DNAJB14: variants seen among roughly 807,000 people sequenced by gnomAD.
DNAJB14 encodes the protein dnaJ homolog subfamily B member 14.
Under a neutral mutation model 48.4 loss-of-function variants are expected in DNAJB14, and 22 were observed. That is an observed-to-expected ratio of 0.45 (90% confidence interval 0.32 to 0.65). The LOEUF is 0.65. Among genes scored for constraint, DNAJB14 ranks in the 30% least tolerant of loss-of-function variants. The probability of loss-of-function intolerance (pLI) is 0.03; values close to 1 mark genes in which losing one functional copy is unlikely to be tolerated. For synonymous variants in DNAJB14, 142 were observed against 158.7 expected (o/e 0.89, Z 0.79); for missense variants, 319 against 458.8 (o/e 0.70, Z 2.78).
At position 99,896,571 on chromosome 4, in the gene DNAJB14, T is replaced by C. The variant is rs1443702706; in HGVS notation, c.*4457A>G. 6.6e-6 allele frequency: 1 copy of C among 152,092 alleles called. No homozygotes were observed. Among genetic ancestry groups the C allele is most frequent in the African/African-American group, 2.4e-5 (1 of 41,418 alleles). 9.4% of individuals were successfully genotyped at this position (152,092 alleles called of 1,614,324 possible). On this transcript the variant is annotated 3_prime_UTR_variant, in exon 8 of 8. Coordinates refer to ENST00000442697, the MANE Select transcript of DNAJB14 (RefSeq NM_001031723.4). The stretch of plus-strand genomic sequence containing the variant: ...AGCTTTTAAAAACACATAAAGTAAA[T>C]GGAAAGAAAGTCTTATGTAGCAATC...
chr4:99,934,287 T>C (rs1726587393), intron 1 of DNAJB14, among the ~76,000 whole-genome samples: 1 of 151,850 alleles, frequency 6.6e-6, no homozygotes, highest in South Asian at 2.1e-4. Flanking sequence ...TACCAGCACA[T>C]AAAAATGAGT....
chr4:99,928,187 A>T (rs774963776), intron 2 of DNAJB14: 1 of 152,604 alleles, frequency 6.6e-6, no homozygotes, highest in Non-Finnish European at 1.5e-5. Flanking sequence ...CTTAAAACTA[A>T]ATCAGCAATA....
intron 1 of DNAJB14, among the ~76,000 whole-genome samples, chr4:99,940,436 C>T (rs1176220901): frequency 1.3e-5 from 2 of 151,894 alleles, no homozygotes. Context: ...CTACTAAAAA[C>T]ACAAAAATAA....
At chr4:99,938,275 A>G (rs1726760703) in intron 1 of DNAJB14, among the ~76,000 whole-genome samples, 1 of 146,502 alleles carries the variant, frequency 6.8e-6, no homozygotes, top group Admixed American at 6.8e-5. Flanking sequence ...CAAGGTCAAG[A>G]AAAAAAAAAA....
At chr4:99,913,269 G>A (rs1725730933) in intron 3 of DNAJB14, among the ~76,000 whole-genome samples, 1 of 152,092 alleles carries the variant, frequency 6.6e-6, no homozygotes, top group East Asian at 1.9e-4. Flanking sequence ...TGATCATAGG[G>A]GAAAAGCATT....
chr4:99,932,886 G>A (rs1726528074), intron 1 of DNAJB14, among the ~76,000 whole-genome samples: 1 of 152,102 alleles, frequency 6.6e-6, no homozygotes. Flanking sequence ...ACAAAAGATG[G>A]TATACTATAC....
chr4:99,926,904 A>C (rs1352933654), intron 2 of DNAJB14: 2 of 152,196 alleles, frequency 1.3e-5, no homozygotes, highest in African/African-American at 4.8e-5. Flanking sequence ...GGACAGCCTG[A>C]AGACTATGTA....
chr4:99,905,769 G>A, intron 5 of DNAJB14, 63 bp from the exon 6 acceptor site: 1 of 1,518,652 alleles, frequency 6.6e-7, no homozygotes, highest in Admixed American at 1.7e-5. Context: ...TAATACAACA[G>A]TTGTCATACA....
rs1725260276 is a variant in DNAJB14, at chr4:99,900,437, A to G, written c.*591T>C. The G allele has an allele frequency of 6.6e-6, 1 of 152,188 alleles. No individual in the cohort carries two copies. The highest frequency in any genetic ancestry group is 3.4e-3 in the Middle Eastern group (1 of 294). The allele number at this position is 152,188 out of a possible 1,614,324, so 9.4% of individuals were successfully genotyped here. The stretch of plus-strand genomic sequence containing the variant: ...ATCTCAATATATATTTTGGAATATA[A>G]CGGCAATATTAAAAATATCAATTCC... On this transcript the variant is annotated 3_prime_UTR_variant, in exon 8 of 8. Transcript: ENST00000442697.
intron 4 of DNAJB14, 120 bp downstream of exon 4, chr4:99,908,591 C>T: frequency 1.4e-6 from 1 of 735,940 alleles, no homozygotes; most frequent in Non-Finnish European, 2.0e-6. Context: ...AAAACCATTA[C>T]AGGATCGTAA....
intron 3 of DNAJB14, among the ~76,000 whole-genome samples, chr4:99,919,729 T>C (rs527476581): frequency 8.1e-4 from 123 of 152,340 alleles, no homozygotes; most frequent in South Asian, 3.9e-3. Context: ...CTTTATTTTA[T>C]ATATTAATGT....
rs1725269702 is a variant in DNAJB14 at position 99,900,754 on chromosome 4, G to T, written c.*274C>A. 3.9e-6 allele frequency: 1 copy of T among 256,988 alleles called. No homozygotes were observed. The highest frequency in any genetic ancestry group is 7.3e-6 in the Non-Finnish European group (1 of 136,722). 15.9% of individuals were successfully genotyped at this position (256,988 alleles called of 1,614,324 possible). On this transcript the variant is annotated 3_prime_UTR_variant, in exon 8 of 8. Transcript: ENST00000442697. Reference sequence around the variant, plus strand: ...ATCACTAAAACTGGAAATTGCTACAGGTGTGATAATCCTTTCTCATGACAC... The same window carrying T: ...ATCACTAAAACTGGAAATTGCTACATGTGTGATAATCCTTTCTCATGACAC...
chr4:99,907,689 A>G (rs1013662032), intron 4 of DNAJB14, among the ~76,000 whole-genome samples: 11 of 152,116 alleles, frequency 7.2e-5, no homozygotes, highest in Non-Finnish European at 1.3e-4. Flanking sequence ...ATTAAAAAAT[A>G]GAAAGAAATG....
chr4:99,923,907 A>G (rs1296210391), intron 2 of DNAJB14: 5 of 982,996 alleles, frequency 5.1e-6, no homozygotes, highest in Non-Finnish European at 4.8e-6. Flanking sequence ...ATGATAAAAT[A>G]TAACACGTGA....
intron 7 of DNAJB14, among the ~76,000 whole-genome samples, chr4:99,901,877 AC>A (rs1725306021): frequency 6.6e-6 from 1 of 152,154 alleles, no homozygotes; most frequent in Admixed American, 6.5e-5. Flanking sequence ...GAAATCAGTT[AC>A]TTTCTGGAAC....
intron 2 of DNAJB14, 90 bp downstream of exon 2, chr4:99,930,357 CTAA>C: frequency 7.7e-7 from 1 of 1,300,020 alleles, no homozygotes; most frequent in Non-Finnish European, 1.0e-6. Flanking sequence ...GTCTATTCTT[CTAA>C]TGTTATATTT....
rs1725205892 is a variant in DNAJB14 at position 99,898,802 on chromosome 4, A to G, written c.*2226T>C. ...ATTTTTATTATAAAAAAAGCAGCAAACATGAAAATCTTTTATCAAGATATC... is the reference window on the plus strand; with the variant it reads ...ATTTTTATTATAAAAAAAGCAGCAAGCATGAAAATCTTTTATCAAGATATC... On this transcript the variant is annotated 3_prime_UTR_variant, in exon 8 of 8. Transcript: ENST00000442697. 1 of 151,962 alleles carries G rather than the reference A, an allele frequency of 6.6e-6. No homozygotes were observed. The highest frequency in any genetic ancestry group is 2.4e-5 in the African/African-American group (1 of 41,442). The allele number at this position is 151,962 out of a possible 1,614,324, so 9.4% of individuals were successfully genotyped here.
At chr4:99,916,996 G>A (rs1369912978) in intron 3 of DNAJB14, among the ~76,000 whole-genome samples, 1 of 152,130 alleles carries the variant, frequency 6.6e-6, no homozygotes, top group Non-Finnish European at 1.5e-5. Flanking sequence ...TTAGCTGGGT[G>A]TGGTGGCACA....
At chr4:99,928,867 C>T (rs763756220) in intron 2 of DNAJB14, 5 of 153,402 alleles carry the variant, frequency 3.3e-5, no homozygotes, top group Non-Finnish European at 7.2e-5. Context: ...TTTCCAGAAA[C>T]GTGTTTCAAG....
Sources: allele counts gnomAD v4.1 joint callset (sites outside exome capture counted in the v4.1 genomes callset), GRCh38; gene constraint gnomAD v4.1.1; transcripts MANE v1.5; gene names NCBI Gene and HGNC (gene_info 2026-07-23, HGNC 2026-07-21).